The following TNIK variants were observed in gnomAD, a reference collection of about 807,000 sequenced individuals.
TNIK encodes TRAF2 and NCK interacting kinase, also known as TRAF2 and NCK-interacting protein kinase.
A neutral mutation model predicts 191.3 loss-of-function variants in TNIK; 49 were observed. That is an observed-to-expected ratio of 0.26 (90% CI 0.20 to 0.32). The LOEUF (loss-of-function observed/expected upper bound fraction) is 0.32. Among genes scored for constraint, TNIK ranks in the 10% least tolerant of loss-of-function variants. The probability of loss-of-function intolerance (pLI) is 1.00; values close to 1 mark genes in which losing one functional copy is unlikely to be tolerated. For synonymous variants in TNIK, 594 were observed against 600.9 expected, an observed-to-expected ratio of 0.99 and a Z score of 0.17; for missense variants, 1,155 against 1,702.3, an observed-to-expected ratio of 0.68 and a Z score of 5.66.
chr3:171,171,945 G>T (rs1735344568), intron 9 of TNIK, among the ~76,000 whole-genome samples: 2 of 152,050 alleles, frequency 1.3e-5, no homozygotes, highest in Non-Finnish European at 2.9e-5. Context: ...TTATTAAATG[G>T]CTGAGCTGCC....
chr3:171,183,736 C>T (rs1347284383), intron 7 of TNIK, among the ~76,000 whole-genome samples: 2 of 152,016 alleles, frequency 1.3e-5, no homozygotes, highest in Non-Finnish European at 2.9e-5. Context: ...GCCTGGCCAA[C>T]ACAGTGAAAC....
In TNIK at chr3:171,333,092, T is replaced by C. The variant is rs569282533; in HGVS notation, c.123+36528A>G. On this transcript the variant is annotated intron_variant, in intron 2 of 32. Coordinates refer to ENST00000436636, the MANE Select transcript of TNIK (RefSeq NM_015028.4). ...ACAACTCTTAGGGAAGAGGCCCCAG[T>C]TGATGGCCTTCGAACTATATTCTGC... 8.5e-5 allele frequency among the ~76,000 whole-genome samples: 13 copies of C among 152,292 alleles called. No individual in the cohort carries two copies. The East Asian group carries it at 2.5e-3, about 29-fold the overall frequency.
At chr3:171,336,824 A>G (rs1279957249) in intron 2 of TNIK, among the ~76,000 whole-genome samples, 3 of 152,238 alleles carry the variant, frequency 2.0e-5, no homozygotes. Flanking sequence ...AAAGTGAGGT[A>G]GAAGTAGGGT....
chr3:171,260,799 T>A (rs35293698), intron 2 of TNIK, among the ~76,000 whole-genome samples: 2,596 of 152,302 alleles, frequency 0.017, 38 homozygotes, highest in Middle Eastern at 0.034. Flanking sequence ...TCCTTTCCTT[T>A]AATGGCTAAA....
chr3:171,302,151 G>A (rs778066333), intron 2 of TNIK, among the ~76,000 whole-genome samples: 31 of 152,130 alleles, frequency 2.0e-4, no homozygotes, highest in Non-Finnish European at 4.0e-4. Flanking sequence ...CTGAGCTTGG[G>A]TTACAGTTGT....
intron 1 of TNIK, among the ~76,000 whole-genome samples, chr3:171,458,298 C>T (rs1729009693): frequency 6.6e-6 from 1 of 152,106 alleles, no homozygotes; most frequent in African/African-American, 2.4e-5. Context: ...AGCCACAGAC[C>T]TGGCCAATGC....
intron 15 of TNIK, among the ~76,000 whole-genome samples, chr3:171,131,395 T>G (rs1003944092): frequency 2.2e-5 from 2 of 92,720 alleles, no homozygotes; most frequent in African/African-American, 7.3e-5. Flanking sequence ...GGGCAGAAAC[T>G]AGGGTACTGG....
At chr3:171,132,507 CT>C (rs1729448648) in intron 15 of TNIK, among the ~76,000 whole-genome samples, 1 of 151,998 alleles carries the variant, frequency 6.6e-6, no homozygotes, top group African/African-American at 2.4e-5. Flanking sequence ...TATATAAAGG[CT>C]ATACAAATAT....
chr3:171,420,220 G>A (rs1389383520), intron 1 of TNIK, among the ~76,000 whole-genome samples: 1 of 152,180 alleles, frequency 6.6e-6, no homozygotes, highest in Non-Finnish European at 1.5e-5. Flanking sequence ...ATATGCAGAA[G>A]AAACAGAGTT....
intron 2 of TNIK, among the ~76,000 whole-genome samples, chr3:171,297,248 T>TTC (rs1391685746): frequency 6.6e-6 from 1 of 152,162 alleles, no homozygotes; most frequent in Non-Finnish European, 1.5e-5. Flanking sequence ...CACAACTGTT[T>TTC]TCTCCCCCAT....
intron 2 of TNIK, among the ~76,000 whole-genome samples, chr3:171,305,002 G>C (rs1225845161): frequency 1.2e-5 from 1 of 85,336 alleles, no homozygotes; most frequent in African/African-American, 4.7e-5. Context: ...AAAACTTAAA[G>C]TATAATTAAA....
chr3:171,417,692 T>C (rs898606900), intron 1 of TNIK, among the ~76,000 whole-genome samples: 1 of 152,186 alleles, frequency 6.6e-6, no homozygotes, highest in Non-Finnish European at 1.5e-5. Context: ...ATCAGATTGC[T>C]CACTGAACTT....
intron 2 of TNIK, among the ~76,000 whole-genome samples, chr3:171,246,495 T>TA (rs1745608257): frequency 1.3e-5 from 2 of 152,322 alleles, no homozygotes; most frequent in East Asian, 3.9e-4. Flanking sequence ...ATTATGCTGT[T>TA]ACCCTCATTT....
intron 3 of TNIK, among the ~76,000 whole-genome samples, chr3:171,214,199 T>A (rs1196165797): frequency 6.6e-6 from 1 of 151,310 alleles, no homozygotes. Flanking sequence ...AGTTATTCAG[T>A]GAAATAGGAA....
chr3:171,204,370 C>T (rs970680916), intron 4 of TNIK, among the ~76,000 whole-genome samples: 3 of 152,216 alleles, frequency 2.0e-5, no homozygotes, highest in African/African-American at 7.2e-5. Flanking sequence ...ACACCTGAAA[C>T]AGGACATACA....
intron 2 of TNIK, among the ~76,000 whole-genome samples, chr3:171,246,182 G>A (rs1165575316): frequency 6.6e-6 from 1 of 151,906 alleles, no homozygotes; most frequent in Non-Finnish European, 1.5e-5. Flanking sequence ...CCATTCTCAA[G>A]TCAAAGAAAA....
chr3:171,078,799 A>G (rs954041852), intron 28 of TNIK, among the ~76,000 whole-genome samples: 1 of 152,124 alleles, frequency 6.6e-6, no homozygotes, highest in Non-Finnish European at 1.5e-5. Context: ...CATTTCTTAC[A>G]TTCTCTTCCC....
Position 171,152,766 on chromosome 3 carries a change from T to C in TNIK, c.1221+4694A>G, listed in dbSNP as rs561688485. ...TACACAAAAACTATGTGTTTTGTTT[T>C]TTGTTTTTTGTTTTTTTTTTTTTGA... On this transcript the variant is annotated intron_variant, in intron 12 of 32. Coordinates refer to ENST00000436636, the MANE Select transcript of TNIK (RefSeq NM_015028.4). Among the ~76,000 whole-genome samples, 8 of 87,120 alleles carry C rather than the reference T, an allele frequency of 9.2e-5. No homozygotes were observed. The South Asian group carries it at 3.8e-3, about 41-fold the overall frequency. The allele number at this position is 87,120 out of a possible 152,430, so 57.2% of individuals were successfully genotyped here. A position where few individuals can be genotyped will look rare whatever the true frequency, so the allele number is the denominator to read the frequency against.
Position 171,110,817 on chromosome 3 carries a change from A to G in TNIK, c.2181T>C (p.Ser727=), listed in dbSNP as rs527386687. The change falls in exon 19 of 33, where the codon AGT becomes AGC. Residue 727 remains serine (S), a synonymous_variant. Transcript: ENST00000436636. ...GGGTGCTGGAGCTGGAGGAACTGCCACTGCTGGTCCTCTGCAAGGGGCTCT... is the reference window on the plus strand; with the variant it reads ...GGGTGCTGGAGCTGGAGGAACTGCCGCTGCTGGTCCTCTGCAAGGGGCTCT... ...ILESPLQRTS[S]GSSSSSSTPS... The G allele has an allele frequency of 7.4e-5, 118 of 1,604,790 alleles. 1 individual carries two copies. In the South Asian group the frequency reaches 1.3e-3, roughly 17 times the overall value.
Sources: gnomAD v4.1 joint callset for allele counts (sites outside exome capture counted in the v4.1 genomes callset) on GRCh38, gnomAD v4.1.1 for gene constraint, MANE v1.5 for transcripts, NCBI Gene and HGNC (gene_info 2026-07-23, HGNC 2026-07-21) for gene names.